The following UQCC1 variants were observed in gnomAD, a reference collection of about 807,000 sequenced individuals.
The protein encoded by UQCC1 is bFGF-repressed Zic-binding protein.
A neutral mutation model predicts 48.0 loss-of-function variants in UQCC1; 38 were observed. That is an observed-to-expected ratio of 0.79 (90% CI 0.61 to 1.04). UQCC1 has a LOEUF of 1.04. Among genes scored for constraint, UQCC1 ranks in the 50% least tolerant of loss-of-function variants. UQCC1 has a pLI of 0.00. For missense variants in UQCC1, 368 were observed against 381.8 expected, an observed-to-expected ratio of 0.96 and a Z score of 0.30; for synonymous variants, 111 against 129.2, an observed-to-expected ratio of 0.86 and a Z score of 0.95.
chr20:35,386,452 G>C, intron 2 of UQCC1: 2 of 425,478 alleles, frequency 4.7e-6, no homozygotes, highest in Non-Finnish European at 4.6e-6. Flanking sequence ...CTTTCCAAAC[G>C]AGGATATTAA....
intron 9 of UQCC1, among the ~76,000 whole-genome samples, chr20:35,305,884 C>A (rs1279562327): frequency 6.6e-6 from 1 of 152,218 alleles, no homozygotes; most frequent in Non-Finnish European, 1.5e-5. Flanking sequence ...CAGCTGAGGC[C>A]TCAGTGGTCA....
At chr20:35,323,031 T>C (rs1405016864) in intron 7 of UQCC1, among the ~76,000 whole-genome samples, 1 of 152,148 alleles carries the variant, frequency 6.6e-6, no homozygotes, top group South Asian at 2.1e-4. Flanking sequence ...GTATTTTTAG[T>C]AGAGACGGGG....
chr20:35,366,544 A>G lies in UQCC1; in HGVS notation c.464+13T>C, dbSNP rs781445760. 2 of 1,613,032 alleles carry G rather than the reference A, an allele frequency of 1.2e-6. No individual in the cohort carries two copies. The highest frequency in any genetic ancestry group is 2.2e-5 in the South Asian group (2 of 91,016). On this transcript the variant is annotated intron_variant, in intron 6 of 9. Coordinates refer to ENST00000374385, the MANE Select transcript of UQCC1 (RefSeq NM_018244.5). Reference sequence around the variant, plus strand: ...AAATACATTTGGTGACTTCATTTAAATTGCTCACTTACCAGACGTGGAGTA... The same window carrying G: ...AAATACATTTGGTGACTTCATTTAAGTTGCTCACTTACCAGACGTGGAGTA...
intron 2 of UQCC1, among the ~76,000 whole-genome samples, chr20:35,388,178 G>C (rs185525172): frequency 6.6e-6 from 1 of 151,356 alleles, no homozygotes; most frequent in Non-Finnish European, 1.5e-5. Context: ...GACAGGGTTT[G>C]ACCACATTGG....
chr20:35,373,495 A>G (rs527596486), intron 5 of UQCC1, among the ~76,000 whole-genome samples: 1 of 152,218 alleles, frequency 6.6e-6, no homozygotes, highest in African/African-American at 2.4e-5. Flanking sequence ...CCTAGCCAAC[A>G]TGGTGAAACC....
intron 1 of UQCC1, among the ~76,000 whole-genome samples, chr20:35,397,535 A>G (rs2062099397): frequency 6.6e-6 from 1 of 151,758 alleles, no homozygotes. Context: ...AAAAGAAAAA[A>G]GAAAAAAAAA....
At chr20:35,327,722 G>A (rs950092001) in intron 7 of UQCC1, among the ~76,000 whole-genome samples, 3 of 152,188 alleles carry the variant, frequency 2.0e-5, no homozygotes, top group South Asian at 2.1e-4. Context: ...TGACAGAGCC[G>A]GGTGCAGTGG....
At chr20:35,324,539 G>C (rs1241142927) in intron 7 of UQCC1, among the ~76,000 whole-genome samples, 2 of 152,104 alleles carry the variant, frequency 1.3e-5, no homozygotes, top group Non-Finnish European at 2.9e-5. Flanking sequence ...TGTTAGCCAG[G>C]ATGGTCTCGA....
chr20:35,370,110 G>A (rs142135093), intron 5 of UQCC1, among the ~76,000 whole-genome samples: 1,612 of 152,214 alleles, frequency 0.011, 13 homozygotes, highest in Non-Finnish European at 0.016. Context: ...AAGAAACAGC[G>A]GGCTGCTGAA....
chr20:35,327,819 T>C (rs1459126414), intron 7 of UQCC1, among the ~76,000 whole-genome samples: 1 of 152,088 alleles, frequency 6.6e-6, no homozygotes, highest in East Asian at 1.9e-4. Flanking sequence ...CTGGCCAACA[T>C]GGTGAAACCC....
intron 1 of UQCC1, among the ~76,000 whole-genome samples, chr20:35,407,605 G>T (rs781746475): frequency 6.6e-6 from 1 of 152,180 alleles, no homozygotes; most frequent in African/African-American, 2.4e-5. Flanking sequence ...TGAAAAACTT[G>T]CCAGATGCAG....
chr20:35,348,843 G>A (rs377164859), intron 6 of UQCC1, among the ~76,000 whole-genome samples: 2 of 152,190 alleles, frequency 1.3e-5, no homozygotes, highest in South Asian at 2.1e-4. Flanking sequence ...TTGTAGAGAC[G>A]GGGGTCTCAA....
At chr20:35,353,576 A>G (rs1040141987) in intron 6 of UQCC1, among the ~76,000 whole-genome samples, 3 of 152,098 alleles carry the variant, frequency 2.0e-5, no homozygotes, top group African/African-American at 7.2e-5. Flanking sequence ...GGATTGCTTG[A>G]GGCCAAGAGT....
chr20:35,393,511 C>CAA lies in UQCC1; in HGVS notation c.129+580_129+581insTT, dbSNP rs1401109344. On this transcript the variant is annotated intron_variant, in intron 2 of 9. Transcript: ENST00000374385. ...ACACACAAACACACACAAACACACACACACACACACACACACACACACAGG... is the reference window on the plus strand; with the variant it reads ...ACACACAAACACACACAAACACACACAAACACACACACACACACACACACAGG... Among the ~76,000 whole-genome samples the CAA allele has an allele frequency of 7.4e-3, 966 of 130,288 alleles. 14 individuals carry two copies. The highest frequency in any genetic ancestry group is 0.025 in the African/African-American group (916 of 36,968). The allele number at this position is 130,288 out of a possible 152,430, so 85.5% of individuals were successfully genotyped here. A position where few individuals can be genotyped will look rare whatever the true frequency, so the allele number is the denominator to read the frequency against.
chr20:35,302,724 C>A lies in UQCC1; in HGVS notation c.*1211G>T, dbSNP rs927191098. 1 of 152,020 alleles carries A rather than the reference C, an allele frequency of 6.6e-6. No individual in the cohort carries two copies. Among genetic ancestry groups the A allele is most frequent in the African/African-American group, 2.4e-5 (1 of 41,284 alleles). The allele number at this position is 152,020 out of a possible 1,614,324, so 9.4% of individuals were successfully genotyped here. ...TGAGTTACAAGGTGTTATTATCTCA[C>A]ACACACACAGGAGGCTTCACTCTAG... On this transcript the variant is annotated 3_prime_UTR_variant, in exon 10 of 10. Transcript: ENST00000374385.
At chr20:35,354,297 C>A (rs938081957) in intron 6 of UQCC1, among the ~76,000 whole-genome samples, 2 of 152,128 alleles carry the variant, frequency 1.3e-5, no homozygotes, top group Non-Finnish European at 1.5e-5. Context: ...GAGAAATATA[C>A]AACCAGCAAA....
At chr20:35,330,698 T>G (rs1045547696) in intron 7 of UQCC1, among the ~76,000 whole-genome samples, 71 of 152,152 alleles carry the variant, frequency 4.7e-4, no homozygotes, top group African/African-American at 1.7e-3. Context: ...GTTCTTCCAG[T>G]GCTACAGGGC....
intron 1 of UQCC1, among the ~76,000 whole-genome samples, chr20:35,410,955 T>C (rs2062353803): frequency 6.6e-6 from 1 of 151,818 alleles, no homozygotes; most frequent in Non-Finnish European, 1.5e-5. Flanking sequence ...TCTGCTAGGC[T>C]GGCAAGGAAT....
intron 1 of UQCC1, 43 bp from the exon 2 acceptor site, chr20:35,394,239 C>T: frequency 6.5e-7 from 1 of 1,528,404 alleles, no homozygotes; most frequent in South Asian, 1.1e-5. Flanking sequence ...CTAAATCATA[C>T]TCCCTACATG....
Sources: gnomAD v4.1 joint callset for allele counts (sites outside exome capture counted in the v4.1 genomes callset) on GRCh38, gnomAD v4.1.1 for gene constraint, MANE v1.5 for transcripts, NCBI Gene and HGNC (gene_info 2026-07-23, HGNC 2026-07-21) for gene names.